LAMA4: variants seen among roughly 807,000 people sequenced by gnomAD.
LAMA4 encodes laminin subunit alpha 4.
In LAMA4, 127 loss-of-function variants were observed where a neutral mutation model predicts 207.1. The ratio of observed to expected loss-of-function variants is 0.61; its 90% confidence interval spans 0.53 to 0.71. LAMA4 has a LOEUF of 0.71. Among genes scored for constraint, LAMA4 ranks in the 30% least tolerant of loss-of-function variants. The probability of loss-of-function intolerance (pLI) is 0.00; values close to 1 mark genes in which losing one functional copy is unlikely to be tolerated. For missense variants in LAMA4, 2,093 were observed against 2,246.5 expected (o/e 0.93, Z 1.38); for synonymous variants, 761 against 816.0 (o/e 0.93, Z 1.15).
chr6:112,250,036 T>C (rs1554189451), intron 2 of LAMA4, among the ~76,000 whole-genome samples: 1 of 152,208 alleles, frequency 6.6e-6, no homozygotes, highest in African/African-American at 2.4e-5. Flanking sequence ...TTCTTTCTAT[T>C]GCTCCTTGTA....
chr6:112,139,557 T>C (rs531524076), intron 23 of LAMA4, among the ~76,000 whole-genome samples, 195 bp downstream of exon 23: 9 of 152,344 alleles, frequency 5.9e-5, no homozygotes, highest in African/African-American at 1.9e-4. Context: ...AAACAAGTTG[T>C]TTAACACTTC....
intron 2 of LAMA4, among the ~76,000 whole-genome samples, chr6:112,223,377 T>C (rs1785031264): frequency 6.6e-6 from 1 of 152,170 alleles, no homozygotes; most frequent in South Asian, 2.1e-4. Flanking sequence ...AAGGAATCAA[T>C]GTTGTGAGGT....
chr6:112,161,935 G>A (rs1781077516), intron 13 of LAMA4: 1 of 152,242 alleles, frequency 6.6e-6, no homozygotes. Flanking sequence ...GTCATGTAGG[G>A]TCTCATGGGC....
In LAMA4 at chr6:112,122,012, A is replaced by G; in HGVS notation, c.4475+2T>C. 6.2e-7 allele frequency: 1 copy of G among 1,613,542 alleles called. No individual in the cohort carries two copies. The highest frequency in any genetic ancestry group is 1.1e-5 in the South Asian group (1 of 91,062). On this transcript the variant is annotated splice_donor_variant, in intron 32 of 38. Coordinates refer to ENST00000230538, the MANE Select transcript of LAMA4 (RefSeq NM_001105206.3). LOFTEE classifies it high-confidence loss of function. ...GTCTAGGAGTATAGTGTGTTACTTT[A>G]CTTGGCACCAAAATCTCCTTTTAAG...
At position 112,210,904 on chromosome 6, in the gene LAMA4, A is replaced by G. The variant is rs886094186; in HGVS notation, c.298-3759T>C. ...GCTATTTTCAAATGAATTTATAAGG[A>G]TTAGAAAATTTTTCAGTTTAAATTT... On this transcript the variant is annotated intron_variant, in intron 3 of 38. Transcript: ENST00000230538. Among the ~76,000 whole-genome samples the G allele has an allele frequency of 3.9e-5, 6 of 152,306 alleles. No homozygotes were observed. The East Asian group carries it at 1.2e-3, about 29-fold the overall frequency.
At position 112,172,729 on chromosome 6, in the gene LAMA4, A is replaced by T. The variant is rs1194400044; in HGVS notation, c.1433T>A (p.Leu478Gln). The change falls in exon 12 of 39, where the codon CTG becomes CAG. Residue 478 changes from leucine (L) to glutamine (Q), a missense_variant. Coordinates refer to ENST00000230538, the MANE Select transcript of LAMA4 (RefSeq NM_001105206.3). Reference protein sequence around the residue: ...RTLFPVVLEQLDDYNAKLSDL... With the variant: ...RTLFPVVLEQQDDYNAKLSDL... ...TGACAACTTAGCATTGTAGTCATCC[A>T]GCTGCTCCAGGACGACAGGAAACAG... The T allele has an allele frequency of 6.2e-7, 1 of 1,613,832 alleles. No individual in the cohort carries two copies. The highest frequency in any genetic ancestry group is 1.3e-5 in the African/African-American group (1 of 74,894).
chr6:112,244,907 T>G (rs1786800797), intron 2 of LAMA4, among the ~76,000 whole-genome samples: 1 of 152,240 alleles, frequency 6.6e-6, no homozygotes, highest in African/African-American at 2.4e-5. Flanking sequence ...AGGTCTCTTA[T>G]GAATGGAATT....
chr6:112,188,857 T>C (rs1307946687), intron 7 of LAMA4: 3 of 442,648 alleles, frequency 6.8e-6, no homozygotes, highest in African/African-American at 5.9e-5. Context: ...CCTTTAGCCA[T>C]TAGGTAAGAT....
At chr6:112,139,610 T>G in intron 23 of LAMA4, 142 bp downstream of exon 23, 1 of 1,000,830 alleles carries the variant, frequency 1.0e-6, no homozygotes. Flanking sequence ...AGGTGAAGAG[T>G]TTTTTGCAGG....
At position 112,122,022 on chromosome 6, in the gene LAMA4, A is replaced by C; in HGVS notation, c.4467T>G (p.Phe1489Leu). 1 of 1,613,612 alleles carries C rather than the reference A, an allele frequency of 6.2e-7. No homozygotes were observed. Among genetic ancestry groups the C allele is most frequent in the Admixed American group, 1.7e-5 (1 of 60,000 alleles). The change falls in exon 32 of 39, where the codon TTT becomes TTG. Residue 1489 changes from phenylalanine to leucine, a missense_variant. Physicochemically the swap from Phe to Leu is conservative, Grantham distance 22. Around this residue, in one of 3 missense-constraint regions of LAMA4, gnomAD observed 383 missense variants for 437.8 expected, o/e 0.87. Transcript: ENST00000230538. ...ATAGTGTGTTACTTTACTTGGCACC[A>C]AAATCTCCTTTTAAGTGTTCAAACT... ...RQEFEHLKGD[F>L]GAKSQFSIRL...
At chr6:112,112,083 G>A (rs587689544) in intron 38 of LAMA4, among the ~76,000 whole-genome samples, 1 of 152,294 alleles carries the variant, frequency 6.6e-6, no homozygotes, top group East Asian at 1.9e-4. Context: ...CATGTTCCCT[G>A]CCATCAAGGA....
Position 112,134,461 on chromosome 6 carries a change from C to T in LAMA4, c.3557+6G>A, listed in dbSNP as rs782019593. 1.1e-5 allele frequency: 17 copies of T among 1,613,202 alleles called. No homozygotes were observed. The highest frequency in any genetic ancestry group is 1.6e-4 in the Middle Eastern group (1 of 6,080). On this transcript the variant is annotated splice_donor_region_variant and intron_variant, in intron 26 of 38. Transcript: ENST00000230538. Reference sequence around the variant, plus strand: ...GAACAAACAGCTACTTAACAAAAAGCCTTACCTGGATTGTAAGATTTCTGG... The same window carrying T: ...GAACAAACAGCTACTTAACAAAAAGTCTTACCTGGATTGTAAGATTTCTGG...
Position 112,118,705 on chromosome 6 carries a change from G to GTGTGTGTGTGTGTGTA in LAMA4, c.4821+435_4821+450dup, listed in dbSNP as rs1195770086. Among the ~76,000 whole-genome samples the GTGTGTGTGTGTGTGTA allele has an allele frequency of 2.5e-3, 260 of 103,892 alleles. 2 individuals carry two copies. The highest frequency in any genetic ancestry group is 9.7e-3 in the African/African-American group (249 of 25,572). 68.2% of individuals were successfully genotyped at this position (103,892 alleles called of 152,430 possible). ...ACATTTCCTTATACATTTACAAATTGTGTGTGTGTGTGTGTATGTGTGTGT... is the reference window on the plus strand; with the variant it reads ...ACATTTCCTTATACATTTACAAATTGTGTGTGTGTGTGTGTATGTGTGTGTGTGTGTATGTGTGTGT... On this transcript the variant is annotated intron_variant, in intron 34 of 38. Transcript: ENST00000230538. The surrounding 1 kb of genome is among the most constrained non-coding windows in gnomAD (Gnocchi z 4.6).
chr6:112,189,400 T>G (rs1211202338), intron 6 of LAMA4, among the ~76,000 whole-genome samples, 195 bp from the exon 7 acceptor site: 1 of 152,126 alleles, frequency 6.6e-6, no homozygotes, highest in Non-Finnish European at 1.5e-5. Flanking sequence ...TCCAGCCCAA[T>G]GAGATTTTCA....
chr6:112,141,038 G>T, intron 21 of LAMA4, 116 bp from the exon 22 acceptor site: 2 of 885,150 alleles, frequency 2.3e-6, no homozygotes, highest in Non-Finnish European at 3.7e-6. Context: ...ACACTAATAA[G>T]CATTTACAAA....
In LAMA4 at chr6:112,134,191, G is replaced by A. The variant is rs187101046; in HGVS notation, c.3557+276C>T. 1.4e-4 allele frequency among the ~76,000 whole-genome samples: 22 copies of A among 152,250 alleles called. No individual in the cohort carries two copies. The East Asian group carries it at 1.9e-3, about 13-fold the overall frequency. On this transcript the variant is annotated intron_variant, in intron 26 of 38. Coordinates refer to ENST00000230538, the MANE Select transcript of LAMA4 (RefSeq NM_001105206.3). Reference sequence around the variant, plus strand: ...CTTCACACAATACACATGTTCCACCGTTCCTATTATTGATGAGAAATACTG... The same window carrying A: ...CTTCACACAATACACATGTTCCACCATTCCTATTATTGATGAGAAATACTG...
intron 31 of LAMA4, among the ~76,000 whole-genome samples, chr6:112,126,890 T>C (rs1435123189): frequency 6.6e-6 from 1 of 152,248 alleles, no homozygotes; most frequent in East Asian, 1.9e-4. Flanking sequence ...TGTGGGAGTG[T>C]AAATTGGTAT....
intron 25 of LAMA4, among the ~76,000 whole-genome samples, chr6:112,134,948 A>ATTTT (rs1562645777): frequency 6.6e-6 from 1 of 150,662 alleles, no homozygotes; most frequent in Non-Finnish European, 1.5e-5. Context: ...TTTTTTTTTA[A>ATTTT]AAAAACAACT....
chr6:112,178,405 T>A (rs1194166903), intron 9 of LAMA4, 173 bp from the exon 10 acceptor site: 6 of 622,438 alleles, frequency 9.6e-6, no homozygotes. Context: ...GGTAATGTGA[T>A]GGCCAGTTTT....
Sources: allele counts gnomAD v4.1 joint callset (sites outside exome capture counted in the v4.1 genomes callset), GRCh38; gene constraint gnomAD v4.1.1; regional missense constraint gnomAD v4.1.1; non-coding constraint Gnocchi (gnomAD v3.1); transcripts MANE v1.5; gene names NCBI Gene and HGNC (gene_info 2026-07-23, HGNC 2026-07-21).